PHACTR3: variants seen among roughly 807,000 people sequenced by gnomAD.
PHACTR3 encodes the protein phosphatase and actin regulator 3, also known as protein phosphatase 1, regulatory subunit 123.
A neutral mutation model predicts 66.8 loss-of-function variants in PHACTR3; 16 were observed. That is an observed-to-expected ratio of 0.24 (90% CI 0.16 to 0.36). The LOEUF (loss-of-function observed/expected upper bound fraction) is 0.36. Among genes scored for constraint, PHACTR3 ranks in the 10% least tolerant of loss-of-function variants. PHACTR3 has a pLI of 1.00. For missense variants in PHACTR3, 647 were observed against 719.9 expected, an observed-to-expected ratio of 0.90 and a Z score of 1.16; for synonymous variants, 323 against 292.1, an observed-to-expected ratio of 1.11 and a Z score of -1.08.
At chr20:59,633,875 A>T in intron 1 of PHACTR3, among the ~76,000 whole-genome samples, 1 of 152,340 alleles carries the variant, frequency 6.6e-6, no homozygotes, top group Non-Finnish European at 1.5e-5. Flanking sequence ...TTAATTATTT[A>T]GGAGGTTCTT....
At chr20:59,696,629 GGCCGGGGAGCA>G (rs2037308324) in intron 1 of PHACTR3, among the ~76,000 whole-genome samples, 1 of 152,188 alleles carries the variant, frequency 6.6e-6, no homozygotes, top group African/African-American at 2.4e-5. Context: ...TTGCTGAGAA[GGCCGGGGAGCA>G]GCTTGGTGCA....
chr20:59,826,137 C>CTCAGCAGG (rs1230397658), intron 8 of PHACTR3, among the ~76,000 whole-genome samples: 2 of 150,974 alleles, frequency 1.3e-5, no homozygotes, highest in African/African-American at 4.9e-5. Context: ...GCAAGGGCAG[C>CTCAGCAGG]TCAGCAGGTC....
At chr20:59,660,790 A>G (rs888644493) in intron 1 of PHACTR3, among the ~76,000 whole-genome samples, 5 of 152,262 alleles carry the variant, frequency 3.3e-5, no homozygotes, top group African/African-American at 1.2e-4. Context: ...CCAGAAAGTG[A>G]GTTGTTTTAT....
At chr20:59,642,473 T>C (rs1387466332) in intron 1 of PHACTR3, among the ~76,000 whole-genome samples, 1 of 151,326 alleles carries the variant, frequency 6.6e-6, no homozygotes, top group African/African-American at 2.4e-5. Flanking sequence ...TCCAGTACTT[T>C]TCCTATAGAA....
At chr20:59,728,041 C>G (rs2038627639) in intron 1 of PHACTR3, among the ~76,000 whole-genome samples, 1 of 152,186 alleles carries the variant, frequency 6.6e-6, no homozygotes, top group African/African-American at 2.4e-5. Context: ...ATTCATATAG[C>G]ACAAAATTAA....
intron 1 of PHACTR3, among the ~76,000 whole-genome samples, chr20:59,686,113 C>A (rs1281617268): frequency 6.6e-6 from 1 of 152,170 alleles, no homozygotes; most frequent in Admixed American, 6.5e-5. Flanking sequence ...AAGGTGCCCA[C>A]CTTAAAGACA....
chr20:59,623,951 C>T (rs916002941), intron 1 of PHACTR3, among the ~76,000 whole-genome samples: 2 of 152,188 alleles, frequency 1.3e-5, no homozygotes, highest in Admixed American at 6.5e-5. Context: ...CTTTGGTGCC[C>T]ATGGGCGTTG....
At chr20:59,594,364 A>T (rs2033268619) in intron 1 of PHACTR3, among the ~76,000 whole-genome samples, 1 of 150,184 alleles carries the variant, frequency 6.7e-6, no homozygotes. Flanking sequence ...TTCTACATAG[A>T]TTTTCATGTC....
intron 1 of PHACTR3, among the ~76,000 whole-genome samples, chr20:59,635,150 TTTCTTTCTTTCTTTCTTTC>T (rs2034826178): frequency 1.2e-3 from 24 of 19,228 alleles, no homozygotes; most frequent in East Asian, 9.1e-3. Context: ...TTTCTTTCTT[TTTCTTTCTTTCTTTCTTTC>T]CTTTCTTTCT....
At chr20:59,784,185 C>A (rs6128693) in intron 7 of PHACTR3, among the ~76,000 whole-genome samples, 2 of 152,002 alleles carry the variant, frequency 1.3e-5, no homozygotes, top group African/African-American at 4.8e-5. Context: ...CTCAAGACTG[C>A]GGAATCCACT....
At chr20:59,775,561 G>A (rs945629744) in intron 7 of PHACTR3, among the ~76,000 whole-genome samples, 1 of 152,162 alleles carries the variant, frequency 6.6e-6, no homozygotes, top group Non-Finnish European at 1.5e-5. Flanking sequence ...GCAATTCTGA[G>A]TATGTGGCTG....
intron 12 of PHACTR3, among the ~76,000 whole-genome samples, chr20:59,846,179 A>G (rs1052885819): frequency 6.6e-6 from 1 of 152,170 alleles, no homozygotes; most frequent in African/African-American, 2.4e-5. Context: ...ATACTGCCTT[A>G]AACTAAAATA....
In PHACTR3 at chr20:59,747,982, A is replaced by T. The variant is rs1186257; in HGVS notation, c.358+147A>T. 6.6e-6 allele frequency: 5 copies of T among 757,312 alleles called. No homozygotes were observed. The East Asian group carries it at 1.1e-4, about 17-fold the overall frequency. 46.9% of individuals were successfully genotyped at this position (757,312 alleles called of 1,614,324 possible). On this transcript the variant is annotated intron_variant, in intron 3 of 12. Transcript: ENST00000371015. ...ATGAAGCCTGCAAGGTTGGAGAGAC[A>T]CCCCATGTCAGGAGCCATTCCATTG... is the stretch of plus-strand genomic sequence containing the variant.
At chr20:59,780,164 C>G (rs1360999851) in intron 7 of PHACTR3, among the ~76,000 whole-genome samples, 2 of 152,140 alleles carry the variant, frequency 1.3e-5, no homozygotes, top group African/African-American at 4.8e-5. Flanking sequence ...CAGAGCCCCC[C>G]AGCTGCCTGT....
At chr20:59,578,052 T>C (rs6128629) in intron 1 of PHACTR3, among the ~76,000 whole-genome samples, 84,239 of 152,194 alleles carry the variant, frequency 0.55, 26,439 homozygotes, top group African/African-American at 0.84. Flanking sequence ...GAGGGCTCTG[T>C]GCTTGATCGC....
rs2033590972 is a variant in PHACTR3, at chr20:59,604,599, GGGGGT to G, written c.-406_-402del. On this transcript the variant is annotated 5_prime_UTR_variant, in exon 1 of 13. Coordinates refer to ENST00000371015, the MANE Select transcript of PHACTR3 (RefSeq NM_080672.5). ...TTTTCCCTTTTTTCCTGGGGGGGTG[GGGGGT>G]GGGGTGGGGGGAGGGAGCGCCCCCA... The G allele has an allele frequency of 1.1e-5, 3 of 272,944 alleles. No homozygotes were observed. The highest frequency in any genetic ancestry group is 1.7e-5 in the Non-Finnish European group (3 of 181,200). The allele number at this position is 272,944 out of a possible 1,614,324, so 16.9% of individuals were successfully genotyped here. A position where few individuals can be genotyped will look rare whatever the true frequency, so the allele number is the denominator to read the frequency against.
chr20:59,724,319 T>C (rs1010625823), intron 1 of PHACTR3, among the ~76,000 whole-genome samples: 1 of 152,100 alleles, frequency 6.6e-6, no homozygotes, highest in Non-Finnish European at 1.5e-5. Flanking sequence ...ATTTCAACAG[T>C]GTATTTAAAC....
intron 4 of PHACTR3, among the ~76,000 whole-genome samples, chr20:59,756,212 G>C (rs1447143886): frequency 6.6e-6 from 1 of 152,200 alleles, no homozygotes; most frequent in African/African-American, 2.4e-5. Flanking sequence ...CCACCTGGCA[G>C]AGTGATTCTT....
chr20:59,818,566 C>T (rs886760258), intron 8 of PHACTR3, among the ~76,000 whole-genome samples: 2 of 152,170 alleles, frequency 1.3e-5, no homozygotes, highest in Admixed American at 6.5e-5. Context: ...TTCCTCACTC[C>T]AAAAAGAAGC....
Sources: gnomAD v4.1 joint callset for allele counts (sites outside exome capture counted in the v4.1 genomes callset) on GRCh38, gnomAD v4.1.1 for gene constraint, MANE v1.5 for transcripts, NCBI Gene and HGNC (gene_info 2026-07-23, HGNC 2026-07-21) for gene names.